COL5A1: variants seen among roughly 807,000 people sequenced by gnomAD.
COL5A1 encodes collagen alpha-1(V) chain.
COL5A1 carries 16 observed loss-of-function variants against 263.7 expected under a neutral mutation model. The ratio of observed to expected loss-of-function variants is 0.06; its 90% CI spans 0.04 to 0.09. The LOEUF is 0.09. COL5A1 is among the 10% of genes least tolerant of loss of function. The probability of loss-of-function intolerance (pLI) is 1.00; values close to 1 mark genes in which losing one functional copy is unlikely to be tolerated. For missense variants in COL5A1, 2,036 were observed against 2,540.5 expected (o/e 0.80, Z 4.27); for synonymous variants, 1,012 against 1,004.5 (o/e 1.01, Z -0.14).
intron 1 of COL5A1, among the ~76,000 whole-genome samples, chr9:134,662,839 G>A (rs569733645): frequency 2.6e-5 from 4 of 152,208 alleles, no homozygotes; most frequent in South Asian, 2.1e-4. Context: ...TCCTCGGGCC[G>A]CAAGTTCTGC....
At chr9:134,745,547 G>A (rs1347990166) in intron 11 of COL5A1, among the ~76,000 whole-genome samples, 2 of 152,182 alleles carry the variant, frequency 1.3e-5, no homozygotes, top group Non-Finnish European at 2.9e-5. Flanking sequence ...TGTTAGTTCT[G>A]GTTGAGGGGT....
intron 11 of COL5A1, among the ~76,000 whole-genome samples, chr9:134,748,522 A>G (rs940245432): frequency 2.0e-5 from 3 of 152,260 alleles, no homozygotes; most frequent in African/African-American, 4.8e-5. Flanking sequence ...ATTCCGACAC[A>G]GGAATCTCAG....
chr9:134,744,401 G>A (rs570026190), intron 11 of COL5A1, among the ~76,000 whole-genome samples: 2 of 148,516 alleles, frequency 1.3e-5, no homozygotes, highest in Non-Finnish European at 3.0e-5. Context: ...ACACTCAACC[G>A]TATATGCACA....
At chr9:134,782,102 G>A (rs1439367187) in intron 28 of COL5A1, among the ~76,000 whole-genome samples, 3 of 152,202 alleles carry the variant, frequency 2.0e-5, no homozygotes, top group Non-Finnish European at 4.4e-5. Context: ...GGGCACTGAC[G>A]CGCGGCAGCC....
At position 134,730,338 on chromosome 9, in the gene COL5A1, A is replaced by C; in HGVS notation, c.1027A>C (p.Ser343Arg). The C allele has an allele frequency of 6.2e-7, 1 of 1,614,246 alleles. No individual in the cohort carries two copies. The highest frequency in any genetic ancestry group is 8.5e-7 in the Non-Finnish European group (1 of 1,180,038). The stretch of plus-strand genomic sequence containing the variant: ...CATCGGGGACTATGACTACGTGCCC[A>C]GTGAGGACTACTACACGCCCTCACC... Reference protein sequence around the residue: ...VGIGDYDYVPSEDYYTPSPYD... With the variant: ...VGIGDYDYVPREDYYTPSPYD... Residue 343 changes from serine to arginine, a missense_variant, in exon 7 of 66, where the codon AGT (serine) becomes CGT (arginine). Physicochemically the swap from Ser to Arg is moderately radical, Grantham distance 110. This residue lies in a region of COL5A1 where 600 missense variants were observed against 634.5 expected (regional missense o/e 0.95). Transcript: ENST00000371817.
chr9:134,653,532 G>C (rs566714578), intron 1 of COL5A1: 2 of 152,542 alleles, frequency 1.3e-5, no homozygotes, highest in African/African-American at 2.4e-5. Flanking sequence ...ACTCACCTCA[G>C]CTTGCTGGCC....
At chr9:134,645,955 C>T (rs1345069047) in intron 1 of COL5A1, among the ~76,000 whole-genome samples, 1 of 152,126 alleles carries the variant, frequency 6.6e-6, no homozygotes, top group Non-Finnish European at 1.5e-5. Context: ...ATCCTTCCCT[C>T]CTTCCTTCTT....
At chr9:134,730,647 A>G (rs1834847462) in intron 7 of COL5A1, among the ~76,000 whole-genome samples, 172 bp downstream of exon 7, 1 of 152,188 alleles carries the variant, frequency 6.6e-6, no homozygotes. Flanking sequence ...GTGGCGTAAT[A>G]CTTCCCAGGG....
intron 25 of COL5A1, among the ~76,000 whole-genome samples, chr9:134,768,895 C>T (rs1401806968): frequency 2.6e-5 from 4 of 152,132 alleles, no homozygotes; most frequent in Admixed American, 6.5e-5. Flanking sequence ...AGTGTGTGCG[C>T]GCACAGCTGT....
rs1839019036 is a variant in COL5A1 at position 134,821,939 on chromosome 9, A to G, written c.4555-158A>G. Among the ~76,000 whole-genome samples, 1 of 152,208 alleles carries G rather than the reference A, an allele frequency of 6.6e-6. No individual in the cohort carries two copies. The highest frequency in any genetic ancestry group is 6.5e-5 in the Admixed American group (1 of 15,280). Reference sequence around the variant, plus strand: ...ATGGCTCCCCTGACATGCACAGCCCAGGATCAGAAAGCAGCCACAGGAGGC... The same window carrying G: ...ATGGCTCCCCTGACATGCACAGCCCGGGATCAGAAAGCAGCCACAGGAGGC... On this transcript the variant is annotated intron_variant, in intron 58 of 65. Transcript: ENST00000371817. The surrounding 1 kb of genome is among the most constrained non-coding windows in gnomAD (Gnocchi z 4.2).
At chr9:134,711,572 C>T (rs1040661579) in intron 4 of COL5A1, among the ~76,000 whole-genome samples, 1 of 152,086 alleles carries the variant, frequency 6.6e-6, no homozygotes, top group African/African-American at 2.4e-5. Context: ...GTTCAGAAAA[C>T]CCAAGGCTCC....
At chr9:134,808,019 G>A (rs1177220720) in intron 42 of COL5A1, among the ~76,000 whole-genome samples, 5 of 152,206 alleles carry the variant, frequency 3.3e-5, no homozygotes. Context: ...GACCTGACCA[G>A]GAATGTAGGA....
intron 19 of COL5A1, among the ~76,000 whole-genome samples, chr9:134,762,800 C>T (rs1429943055): frequency 3.3e-5 from 5 of 151,596 alleles, no homozygotes; most frequent in African/African-American, 1.2e-4. Flanking sequence ...GGCCTCAGCA[C>T]AGTCTGCTGT....
At chr9:134,676,724 A>T in intron 1 of COL5A1, among the ~76,000 whole-genome samples, 1 of 76,876 alleles carries the variant, frequency 1.3e-5, no homozygotes, top group East Asian at 2.4e-4. Flanking sequence ...GTGGTGCTTC[A>T]TTGTTCACTT....
At chr9:134,684,829 C>CTCCTGAT (rs1333221732) in intron 1 of COL5A1, among the ~76,000 whole-genome samples, 1 of 152,198 alleles carries the variant, frequency 6.6e-6, no homozygotes, top group Non-Finnish European at 1.5e-5. Flanking sequence ...TGCCCTATAC[C>CTCCTGAT]TCCTGATTTT....
At position 134,758,574 on chromosome 9, in the gene COL5A1, G is replaced by A. The variant is rs987222358; in HGVS notation, c.1935+278G>A. Among the ~76,000 whole-genome samples the A allele has an allele frequency of 2.6e-5, 4 of 151,458 alleles. No homozygotes were observed. Among genetic ancestry groups the A allele is most frequent in the African/African-American group, 9.8e-5 (4 of 40,794 alleles). ...TACCCACCTGAGGCGCGTGAAGGGG[G>A]CAGGGAAGGAGCCCTTCCTTTTAGA... is the stretch of plus-strand genomic sequence containing the variant. On this transcript the variant is annotated intron_variant, in intron 18 of 65. Transcript: ENST00000371817. The surrounding 1 kb of genome is among the most constrained non-coding windows in gnomAD (Gnocchi z 4.1).
chr9:134,685,606 T>TCCTCCATC (rs1564386806), intron 1 of COL5A1, among the ~76,000 whole-genome samples: 1 of 58,878 alleles, frequency 1.7e-5, no homozygotes, highest in Non-Finnish European at 3.2e-5. Context: ...CATCCATCCA[T>TCCTCCATC]CATCCATCCA....
rs1361242684 is a variant in COL5A1, at chr9:134,701,260, G to A, written c.581G>A (p.Ser194Asn). 1.2e-6 allele frequency: 2 copies of A among 1,614,036 alleles called. No homozygotes were observed. Among genetic ancestry groups the A allele is most frequent in the Non-Finnish European group, 1.7e-6 (2 of 1,180,024 alleles). Residue 194 changes from serine (S) to asparagine (N), a missense_variant, in exon 4 of 66, where the codon AGC (serine) becomes AAC (asparagine). This residue lies in a region of COL5A1 where 600 missense variants were observed against 634.5 expected (regional missense o/e 0.95). Coordinates refer to ENST00000371817, the MANE Select transcript of COL5A1 (RefSeq NM_000093.5). ...AAGACCACCAAATTCCTCGACCGCA[G>A]CGACCACCCCATGATCGACATCAAT... The part of the protein sequence containing the change: ...KKKTTKFLDR[S>N]DHPMIDINGI...
rs544473110 is a variant in COL5A1 at position 134,696,209 on chromosome 9, T to C, written c.278-3700T>C. Among the ~76,000 whole-genome samples, 2 of 152,302 alleles carry C rather than the reference T, an allele frequency of 1.3e-5. No individual in the cohort carries two copies. Among genetic ancestry groups the C allele is most frequent in the African/African-American group, 4.8e-5 (2 of 41,572 alleles). ...TTATTATTGAGACAGAGTCTCACTC[T>C]GTCGCCCAGGCTGGAGTGCAGTGGT... On this transcript the variant is annotated intron_variant, in intron 2 of 65. Coordinates refer to ENST00000371817, the MANE Select transcript of COL5A1 (RefSeq NM_000093.5). This position sits in a 1 kb window ranked among gnomAD's most constrained non-coding sequence, Gnocchi z 4.3.
Sources: gnomAD v4.1 joint callset for allele counts (sites outside exome capture counted in the v4.1 genomes callset) on GRCh38, gnomAD v4.1.1 for gene constraint, gnomAD v4.1.1 regional missense constraint, Gnocchi (gnomAD v3.1) non-coding constraint, MANE v1.5 for transcripts, NCBI Gene and HGNC (gene_info 2026-07-23, HGNC 2026-07-21) for gene names.